The following EME2 variants were observed in gnomAD, a reference collection of about 807,000 sequenced individuals.
The protein encoded by EME2 is essential meiotic structure-specific endonuclease subunit 2, also known as structure-specific endonuclease subunit EME2.
A neutral mutation model predicts 41.9 loss-of-function variants in EME2; 58 were observed. That is an observed-to-expected ratio of 1.38 (90% confidence interval 1.12 to 1.72). EME2 has a LOEUF of 1.72. EME2 is among the 40% of genes most tolerant of loss of function. The pLI is 0.00. For missense variants in EME2, 695 were observed against 541.9 expected (o/e 1.28, Z -2.81); for synonymous variants, 334 against 239.3 (o/e 1.40, Z -3.65).
intron 2 of EME2, 64 bp downstream of exon 2, chr16:1,773,905 C>T (rs1296719748): frequency 2.7e-6 from 4 of 1,479,552 alleles, no homozygotes; most frequent in South Asian, 1.3e-5. Flanking sequence ...ATGATTTCAG[C>T]CCTGGAGCTG....
rs768699651 is a variant in EME2, at chr16:1,773,234, C to T, written c.7C>T (p.Arg3Trp). Residue 3 changes from arginine (R) to tryptophan (W), a missense_variant, in exon 1 of 8, where the codon CGG (arginine) becomes TGG (tryptophan). Transcript: ENST00000568449. MARVGPGRAGVSC... is the reference protein window; with the variant it reads MAWVGPGRAGVSC... ...GGAAGAGGTCGGTCCGGCCATGGCG[C>T]GGGTTGGACCCGGGAGGGCGGGGGT... The T allele has an allele frequency of 2.1e-6, 3 of 1,444,598 alleles. No homozygotes were observed. The highest frequency in any genetic ancestry group is 2.7e-6 in the Non-Finnish European group (3 of 1,108,352). The allele number at this position is 1,444,598 out of a possible 1,614,324, so 89.5% of individuals were successfully genotyped here.
chr16:1,773,478 CG>C lies in EME2; in HGVS notation c.247+6del. On this transcript the variant is annotated splice_donor_5th_base_variant and intron_variant, in intron 1 of 7. Transcript: ENST00000568449. The stretch of plus-strand genomic sequence containing the variant: ...CTCGCGGTGTGCGTGGACACAGGTG[CG>C]GCGGAGGGCACGGGCGATACTCGGG... The C allele has an allele frequency of 6.3e-7, 1 of 1,578,406 alleles. No individual in the cohort carries two copies. The highest frequency in any genetic ancestry group is 8.5e-7 in the Non-Finnish European group (1 of 1,171,522).
In EME2 at chr16:1,775,628, G is replaced by A; in HGVS notation, c.723G>A (p.Gln241=). 1 of 1,612,940 alleles carries A rather than the reference G, an allele frequency of 6.2e-7. No homozygotes were observed. The highest frequency in any genetic ancestry group is 8.5e-7 in the Non-Finnish European group (1 of 1,180,030). The change falls in exon 6 of 8, where the codon CAG becomes CAA. Residue 241 remains glutamine (Q), a synonymous_variant. Coordinates refer to ENST00000568449, the MANE Select transcript of EME2 (RefSeq NM_001257370.2). ...NLDVLLVASW[Q]ELSRHVCAVT... is the part of the protein sequence containing the mutation. Reference sequence around the variant, plus strand: ...ACGTGCTACTGGTGGCCTCTTGGCAGGAGCTGAGTCGGCACGTGTGCGCCG... The same window carrying A: ...ACGTGCTACTGGTGGCCTCTTGGCAAGAGCTGAGTCGGCACGTGTGCGCCG...
rs538313885 is a variant in EME2 at position 1,775,792 on chromosome 16, C to T, written c.780-5C>T. On this transcript the variant is annotated splice_polypyrimidine_tract_variant and splice_region_variant and intron_variant, in intron 6 of 7. Coordinates refer to ENST00000568449, the MANE Select transcript of EME2 (RefSeq NM_001257370.2). ...AGGTTCTAAAAGGCTTCTCTCTGTC[C>T]CCAGGCAGTACCGGGAATCCCAGGC... 59 of 1,612,434 alleles carry T rather than the reference C, an allele frequency of 3.7e-5. No individual in the cohort carries two copies. The South Asian group carries it at 5.1e-4, about 14-fold the overall frequency.
Position 1,773,832 on chromosome 16 carries a change from C to T in EME2, c.375C>T (p.Cys125=), listed in dbSNP as rs746179767. The change falls in exon 2 of 8, where the codon TGC becomes TGT. Residue 125 remains cysteine (C), a synonymous_variant. Transcript: ENST00000568449. Reference sequence around the variant, plus strand: ...GGACCCGAGCGAGTCCCGACCCCTGCCCCCGCAGCGTGAGTGGTCGCGGGT... The same window carrying T: ...GGACCCGAGCGAGTCCCGACCCCTGTCCCCGCAGCGTGAGTGGTCGCGGGT... ...LRWTRASPDP[C]PRSLPPEVWA... 1 of 1,545,874 alleles carries T rather than the reference C, an allele frequency of 6.5e-7. No homozygotes were observed.
intron 1 of EME2, 82 bp from the exon 2 acceptor site, chr16:1,773,623 C>A (rs2141980879): frequency 1.9e-6 from 3 of 1,542,034 alleles, no homozygotes; most frequent in Non-Finnish European, 2.6e-6. Context: ...AATGGAGACT[C>A]CCCGGTCCGG....
Position 1,777,260 on chromosome 16 carries a change from G to T in EME2, c.*1022G>T. On this transcript the variant is annotated 3_prime_UTR_variant, in exon 8 of 8. Coordinates refer to ENST00000568449, the MANE Select transcript of EME2 (RefSeq NM_001257370.2). The stretch of plus-strand genomic sequence containing the variant: ...GTGTAGCACCTGCTTGAGGCCCGGC[G>T]GCAGCGGCAGACCCTCCAGCGTGTC... 1 of 1,610,602 alleles carries T rather than the reference G, an allele frequency of 6.2e-7. No individual in the cohort carries two copies.
At chr16:1,774,459 G>T (rs1030492769) in intron 3 of EME2, 107 bp downstream of exon 3, 2 of 898,064 alleles carry the variant, frequency 2.2e-6, no homozygotes, top group Non-Finnish European at 1.8e-6. Context: ...GCTGGAGGGG[G>T]CATGGGGCAG....
Position 1,772,958 on chromosome 16 carries a change from G to C in EME2, c.-270G>C. 6.9e-7 allele frequency: 1 copy of C among 1,450,452 alleles called. No individual in the cohort carries two copies. Among genetic ancestry groups the C allele is most frequent in the Non-Finnish European group, 9.0e-7 (1 of 1,105,336 alleles). 89.8% of individuals were successfully genotyped at this position (1,450,452 alleles called of 1,614,324 possible). The stretch of plus-strand genomic sequence containing the variant: ...GGCTCTCGCGGCGCACGTCGGCCCA[G>C]GCCCGGACCGGCAGCCGGCGTCCAG... On this transcript the variant is annotated 5_prime_UTR_variant, in exon 1 of 8. Coordinates refer to ENST00000568449, the MANE Select transcript of EME2 (RefSeq NM_001257370.2).
Position 1,777,779 on chromosome 16 carries a change from G to A in EME2, c.*1541G>A, listed in dbSNP as rs754680053. ...CTTCCTGTTCTTGAAAAAGGTGAGT[G>A]TGCCGTGCCAGGTGTCCAGGTGCAC... On this transcript the variant is annotated 3_prime_UTR_variant, in exon 8 of 8. Coordinates refer to ENST00000568449, the MANE Select transcript of EME2 (RefSeq NM_001257370.2). 1 of 1,612,848 alleles carries A rather than the reference G, an allele frequency of 6.2e-7. No individual in the cohort carries two copies. Among genetic ancestry groups the A allele is most frequent in the Non-Finnish European group, 8.5e-7 (1 of 1,179,934 alleles).
chr16:1,776,240 C>T lies in EME2; in HGVS notation c.*2C>T. ...CTCCTGCTGGACCTGGGCTCCTGACCACACGTGGGACCACCAGGACAGCAT... is the reference window on the plus strand; with the variant it reads ...CTCCTGCTGGACCTGGGCTCCTGACTACACGTGGGACCACCAGGACAGCAT... On this transcript the variant is annotated 3_prime_UTR_variant, in exon 8 of 8. Transcript: ENST00000568449. 1.2e-6 allele frequency: 2 copies of T among 1,612,220 alleles called. No individual in the cohort carries two copies. The highest frequency in any genetic ancestry group is 4.5e-5 in the East Asian group (2 of 44,882).
rs534290638 is a variant in EME2 at position 1,779,784 on chromosome 16, G to C, written c.*3546G>C. The C allele has an allele frequency of 6.6e-6, 1 of 152,310 alleles. No homozygotes were observed. The highest frequency in any genetic ancestry group is 1.5e-5 in the Non-Finnish European group (1 of 68,092). 9.4% of individuals were successfully genotyped at this position (152,310 alleles called of 1,614,324 possible). ...GTGACACAGGACAAGCAGCACATGT[G>C]TCGAACACTGCCGAGCCCGCAGGCA... On this transcript the variant is annotated 3_prime_UTR_variant, in exon 8 of 8. Transcript: ENST00000568449.
intron 3 of EME2, among the ~76,000 whole-genome samples, chr16:1,774,679 C>A (rs926944167): frequency 3.9e-5 from 6 of 152,208 alleles, no homozygotes; most frequent in Non-Finnish European, 5.9e-5. Context: ...TGCTGTGGTG[C>A]CAGGTAGCGT....
intron 2 of EME2, 140 bp downstream of exon 2, chr16:1,773,981 G>A (rs2042671599): frequency 8.4e-7 from 1 of 1,190,368 alleles, no homozygotes; most frequent in South Asian, 1.6e-5. Context: ...TGGAGAACGG[G>A]AAGTGGAGGT....
rs756458364 is a variant in EME2 at position 1,778,551 on chromosome 16, A to C, written c.*2313A>C. 2 of 1,605,698 alleles carry C rather than the reference A, an allele frequency of 1.2e-6. No homozygotes were observed. The highest frequency in any genetic ancestry group is 1.7e-6 in the Non-Finnish European group (2 of 1,175,030). ...ACAGAAGGACTCGCCGGTCACGGGC[A>C]CCGCACTGGGGATGGATGGCGGCAG... On this transcript the variant is annotated 3_prime_UTR_variant, in exon 8 of 8. Transcript: ENST00000568449.
At chr16:1,775,711 G>A (rs756006557) in intron 6 of EME2, 27 bp downstream of exon 6, 8 of 1,612,660 alleles carry the variant, frequency 5.0e-6, no homozygotes, top group South Asian at 1.1e-5. Context: ...CTGAAGGGGG[G>A]CAGGATCACC....
At position 1,781,227 on chromosome 16, in the gene EME2, T is replaced by G; in HGVS notation, c.*4989T>G. 1 of 1,586,456 alleles carries G rather than the reference T, an allele frequency of 6.3e-7. No homozygotes were observed. The highest frequency in any genetic ancestry group is 8.5e-7 in the Non-Finnish European group (1 of 1,172,248). On this transcript the variant is annotated 3_prime_UTR_variant, in exon 8 of 8. Transcript: ENST00000568449. Reference sequence around the variant, plus strand: ...TGCATCCAGGAGACAGGCCCAGGTTTGGACTGGTCCTCTAGCCTCAGAAGC... The same window carrying G: ...TGCATCCAGGAGACAGGCCCAGGTTGGGACTGGTCCTCTAGCCTCAGAAGC...
At position 1,775,929 on chromosome 16, in the gene EME2, C is replaced by T. The variant is rs746063686; in HGVS notation, c.912C>T (p.Ser304=). The change falls in exon 7 of 8, where the codon AGC becomes AGT. Residue 304 remains serine (S), a synonymous_variant. Coordinates refer to ENST00000568449, the MANE Select transcript of EME2 (RefSeq NM_001257370.2). ...RRQIRQFSRV[S]PAVADAVVTA... The stretch of plus-strand genomic sequence containing the variant: ...AGATCAGGCAGTTCAGTCGGGTCAG[C>T]CCAGCCGTGGCTGATGCAGTTGTCA... 2 of 1,611,862 alleles carry T rather than the reference C, an allele frequency of 1.2e-6. No homozygotes were observed. Among genetic ancestry groups the T allele is most frequent in the African/African-American group, 2.7e-5 (2 of 74,942 alleles).
rs1165441895 is a variant in EME2, at chr16:1,773,835, C to T, written c.378C>T (p.Pro126=). The change falls in exon 2 of 8, where the codon CCC becomes CCT. Residue 126 remains proline, a synonymous_variant. Coordinates refer to ENST00000568449, the MANE Select transcript of EME2 (RefSeq NM_001257370.2). ...RWTRASPDPC[P]RSLPPEVWAA... is the part of the protein sequence containing the mutation. ...CCCGAGCGAGTCCCGACCCCTGCCCCCGCAGCGTGAGTGGTCGCGGGTTCC... is the reference window on the plus strand; with the variant it reads ...CCCGAGCGAGTCCCGACCCCTGCCCTCGCAGCGTGAGTGGTCGCGGGTTCC... The T allele has an allele frequency of 6.5e-7, 1 of 1,543,500 alleles. No individual in the cohort carries two copies. The highest frequency in any genetic ancestry group is 2.0e-5 in the Admixed American group (1 of 49,908).
Sources: gnomAD v4.1 joint callset for allele counts (sites outside exome capture counted in the v4.1 genomes callset) on GRCh38, gnomAD v4.1.1 for gene constraint, MANE v1.5 for transcripts, NCBI Gene and HGNC (gene_info 2026-07-23, HGNC 2026-07-21) for gene names.